MISFA: variants seen among roughly 807,000 people sequenced by gnomAD.
The protein encoded by MISFA is mitochondrial sheath formation-associated protein.
chr11:18,605,886 C>T, the MISFA span, among the ~76,000 whole-genome samples: 3 of 152,148 alleles, frequency 2.0e-5, no homozygotes, highest in Non-Finnish European at 2.9e-5. Flanking sequence ...CCATGTTGGC[C>T]AGGCTGGTCT....
the MISFA span, chr11:18,606,336 A>C: frequency 5.8e-6 from 1 of 172,246 alleles, no homozygotes; most frequent in East Asian, 1.8e-4. Context: ...AGCTGGAAAA[A>C]TGTTCAGGGT....
the MISFA span, chr11:18,601,348 A>G: frequency 7.5e-6 from 3 of 397,900 alleles, no homozygotes; most frequent in East Asian, 3.6e-5. Context: ...AAAGTTGTCT[A>G]TTAATAACCA....
the MISFA span, chr11:18,601,828 A>G: frequency 6.6e-6 from 2 of 305,222 alleles, no homozygotes; most frequent in Non-Finnish European, 1.2e-5. Flanking sequence ...AAGTTTAATT[A>G]GTTTCTTTGA....
the MISFA span, chr11:18,607,857 A>G: frequency 3.9e-5 from 6 of 152,254 alleles, no homozygotes; most frequent in Admixed American, 2.6e-4. Flanking sequence ...TTATTCTAAC[A>G]TAATGGTGCC....
chr11:18,604,067 C>T, the MISFA span: 5 of 260,944 alleles, frequency 1.9e-5, no homozygotes, highest in Non-Finnish European at 3.6e-5. Flanking sequence ...GCTGGGACTA[C>T]AGGCGCCTGC....
the MISFA span, among the ~76,000 whole-genome samples, chr11:18,603,361 G>A: frequency 1.7e-4 from 26 of 152,026 alleles, no homozygotes; most frequent in African/African-American, 5.8e-4. Context: ...TTTCTTTCAC[G>A]TGATCTTTAA....
chr11:18,606,741 G>T, the MISFA span: 1 of 398,816 alleles, frequency 2.5e-6, no homozygotes, highest in Non-Finnish European at 4.8e-6. Flanking sequence ...AACATGTTTT[G>T]GTCTCCTGCT....
the MISFA span, chr11:18,606,350 GAGAT>G: frequency 5.7e-6 from 1 of 175,730 alleles, no homozygotes; most frequent in East Asian, 1.8e-4. Context: ...TCAGGGTGAT[GAGAT>G]AAAGAATATC....
chr11:18,599,954 T>C, the MISFA span: 1 of 398,998 alleles, frequency 2.5e-6, no homozygotes, highest in Admixed American at 4.4e-5. Flanking sequence ...TGGATGTTTT[T>C]TGTTGGACTT....
At chr11:18,600,051 T>C in the MISFA span, 1 of 399,010 alleles carries the variant, frequency 2.5e-6, no homozygotes, top group Non-Finnish European at 4.4e-6. Flanking sequence ...TGCTGGCTCA[T>C]CTTCCTGTCT....
the MISFA span, chr11:18,603,641 A>G: frequency 2.5e-6 from 1 of 397,288 alleles, no homozygotes; most frequent in Non-Finnish European, 4.4e-6. Context: ...ATCCGGGATC[A>G]GAGGCATTAG....
chr11:18,601,446 CTT>C, the MISFA span: 2,085 of 359,268 alleles, frequency 5.8e-3, no homozygotes, highest in Middle Eastern at 0.012. Flanking sequence ...TAATAGCATT[CTT>C]TTTTTTTTTT....
chr11:18,607,874 T>C, the MISFA span: 4 of 152,194 alleles, frequency 2.6e-5, no homozygotes, highest in African/African-American at 9.7e-5. Context: ...TGCCTTTCTG[T>C]ACAAAGAACT....
At chr11:18,601,564 TG>T in the MISFA span, 1 of 396,608 alleles carries the variant, frequency 2.5e-6, no homozygotes, top group Non-Finnish European at 4.4e-6. Context: ...CATGCCACCA[TG>T]CCTGGCTAAT....
At chr11:18,608,993 GA>G in the MISFA span, 1 of 152,564 alleles carries the variant, frequency 6.6e-6, no homozygotes, top group South Asian at 2.1e-4. Context: ...GGGAGGGGAG[GA>G]GGGGAGAGCC....
chr11:18,601,810 C>A, the MISFA span: 1 of 334,908 alleles, frequency 3.0e-6, no homozygotes, highest in Non-Finnish European at 5.3e-6. Flanking sequence ...AGCTACGTGA[C>A]CTTGGGAAAG....
chr11:18,605,189 G>A, the MISFA span, among the ~76,000 whole-genome samples: 11 of 151,536 alleles, frequency 7.3e-5, no homozygotes, highest in Non-Finnish European at 1.2e-4. Context: ...ACAGTGAGCC[G>A]AGATTGCACC....
chr11:18,603,916 A>AATTT, the MISFA span: 4 of 141,868 alleles, frequency 2.8e-5, no homozygotes, highest in Non-Finnish European at 4.8e-5. Flanking sequence ...AAGTTACCGC[A>AATTT]CTTTTTTTTT....
the MISFA span, among the ~76,000 whole-genome samples, chr11:18,605,819 T>C: frequency 6.6e-6 from 1 of 152,086 alleles, no homozygotes; most frequent in African/African-American, 2.4e-5. Context: ...GCCCCCTGAG[T>C]AGCAGGGATT....
Sources: gnomAD v4.1 joint callset for allele counts (sites outside exome capture counted in the v4.1 genomes callset) on GRCh38, gnomAD v4.1.1 for gene constraint, MANE v1.5 for transcripts, NCBI Gene and HGNC (gene_info 2026-07-23, HGNC 2026-07-21) for gene names.